EPHA5: variants seen among roughly 807,000 people sequenced by gnomAD.
EPHA5 encodes the protein ephrin type-A receptor 5.
Under a neutral mutation model 105.0 loss-of-function variants are expected in EPHA5, and 60 were observed. The observed-to-expected ratio is 0.57, with a 90% confidence interval of 0.46 to 0.71. The LOEUF is 0.71. Ranked by LOEUF, EPHA5 falls within the 30% of genes least tolerant of loss-of-function variation. The pLI, the probability that EPHA5 is intolerant of heterozygous loss-of-function variation, is 0.00. For missense variants in EPHA5, 1,218 were observed against 1,274.7 expected, an observed-to-expected ratio of 0.96 and a Z score of 0.68; for synonymous variants, 513 against 449.1, an observed-to-expected ratio of 1.14 and a Z score of -1.80.
chr4:65,452,796 A>C (rs1381740321), intron 5 of EPHA5, among the ~76,000 whole-genome samples: 2 of 152,224 alleles, frequency 1.3e-5, no homozygotes, highest in South Asian at 2.1e-4. Flanking sequence ...AGCTAAAAAC[A>C]GTTTCTGCAC....
chr4:65,582,696 C>T (rs1237906904), intron 3 of EPHA5, among the ~76,000 whole-genome samples: 1 of 151,580 alleles, frequency 6.6e-6, no homozygotes, highest in African/African-American at 2.4e-5. Context: ...TTGCAACTTA[C>T]TTGCAGCTGT....
At chr4:65,581,622 A>T (rs1326219743) in intron 3 of EPHA5, among the ~76,000 whole-genome samples, 2 of 151,786 alleles carry the variant, frequency 1.3e-5, no homozygotes, top group Admixed American at 6.6e-5. Flanking sequence ...GAATCTTAAA[A>T]TATACCAGCC....
intron 14 of EPHA5, among the ~76,000 whole-genome samples, chr4:65,347,389 T>C (rs564237210): frequency 2.0e-5 from 3 of 152,248 alleles, no homozygotes; most frequent in African/African-American, 7.2e-5. Flanking sequence ...AAGGGCTGTA[T>C]TGAATAGTAA....
chr4:65,465,013 C>T (rs1170314264), intron 5 of EPHA5, among the ~76,000 whole-genome samples: 1 of 151,958 alleles, frequency 6.6e-6, no homozygotes, highest in Non-Finnish European at 1.5e-5. Flanking sequence ...AACATTACAA[C>T]AAAGTTATGT....
chr4:65,346,140 TAC>T (rs1722207826), intron 14 of EPHA5, among the ~76,000 whole-genome samples: 1 of 151,758 alleles, frequency 6.6e-6, no homozygotes, highest in Non-Finnish European at 1.5e-5. Flanking sequence ...CATTTTTTCA[TAC>T]ATTTATTGGC....
chr4:65,486,678 G>T (rs1730911465), intron 5 of EPHA5, among the ~76,000 whole-genome samples: 2 of 152,152 alleles, frequency 1.3e-5, no homozygotes, highest in Non-Finnish European at 2.9e-5. Flanking sequence ...AAGATATTTA[G>T]GCATTAAAAA....
At chr4:65,572,133 C>T (rs1366420628) in intron 3 of EPHA5, among the ~76,000 whole-genome samples, 1 of 151,802 alleles carries the variant, frequency 6.6e-6, no homozygotes, top group Non-Finnish European at 1.5e-5. Flanking sequence ...TCAGAAATAA[C>T]GTGGCATAAT....
chr4:65,622,093 C>T (rs1412964762), intron 2 of EPHA5, among the ~76,000 whole-genome samples: 1 of 152,100 alleles, frequency 6.6e-6, no homozygotes, highest in East Asian at 1.9e-4. Context: ...GCCCAACTTG[C>T]TCTGGGAATA....
intron 3 of EPHA5, among the ~76,000 whole-genome samples, chr4:65,567,552 A>G (rs1315490250): frequency 6.6e-6 from 1 of 151,654 alleles, no homozygotes; most frequent in African/African-American, 2.4e-5. Flanking sequence ...GGTGATAGCC[A>G]AACTGTCAGT....
intron 5 of EPHA5, among the ~76,000 whole-genome samples, chr4:65,469,991 A>C (rs957134742): frequency 6.6e-6 from 1 of 152,052 alleles, no homozygotes; most frequent in Non-Finnish European, 1.5e-5. Flanking sequence ...AAGAAAAGAA[A>C]ATCAAAGGAG....
chr4:65,332,451 C>T (rs1419591607), intron 15 of EPHA5, among the ~76,000 whole-genome samples: 3 of 151,678 alleles, frequency 2.0e-5, no homozygotes, highest in African/African-American at 7.3e-5. Flanking sequence ...GACAATAAAA[C>T]CACTCTGTAT....
intron 3 of EPHA5, among the ~76,000 whole-genome samples, chr4:65,503,366 G>A (rs1732684214): frequency 6.6e-6 from 1 of 151,610 alleles, no homozygotes; most frequent in South Asian, 2.1e-4. Context: ...TTTAAACTAC[G>A]AGCTCTAAAA....
intron 2 of EPHA5, among the ~76,000 whole-genome samples, chr4:65,640,216 T>A (rs2149508898): frequency 6.6e-6 from 1 of 152,016 alleles, no homozygotes; most frequent in East Asian, 1.9e-4. Flanking sequence ...TTCTCTGAAA[T>A]AATTCTGTAA....
intron 8 of EPHA5, among the ~76,000 whole-genome samples, chr4:65,373,942 A>T (rs1297799096): frequency 1.3e-5 from 2 of 152,060 alleles, no homozygotes; most frequent in East Asian, 3.9e-4. Flanking sequence ...ACTAAGGGAT[A>T]TTTTAGATGG....
chr4:65,456,844 T>G (rs983384303), intron 5 of EPHA5, among the ~76,000 whole-genome samples: 5 of 152,186 alleles, frequency 3.3e-5, no homozygotes, highest in African/African-American at 1.2e-4. Flanking sequence ...TCCATGGAAG[T>G]AAGTTGATAT....
chr4:65,432,859 T>C (rs1394489662), intron 5 of EPHA5, among the ~76,000 whole-genome samples: 1 of 151,362 alleles, frequency 6.6e-6, no homozygotes, highest in Non-Finnish European at 1.5e-5. Context: ...AAAGTATATA[T>C]TATATATAAA....
At chr4:65,520,203 G>A (rs943040749) in intron 3 of EPHA5, among the ~76,000 whole-genome samples, 3 of 152,044 alleles carry the variant, frequency 2.0e-5, no homozygotes, top group African/African-American at 7.3e-5. Flanking sequence ...GAACAAAACA[G>A]AGCCCTCAGA....
At chr4:65,436,425 AATTCTGTCCGTCAT>A (rs1270337182) in intron 5 of EPHA5, among the ~76,000 whole-genome samples, 4 of 151,992 alleles carry the variant, frequency 2.6e-5, no homozygotes, top group Non-Finnish European at 5.9e-5. Context: ...GTTAAATAAA[AATTCTGTCCGTCAT>A]ATTTTAAACT....
chr4:65,530,151 T>C (rs1735629764), intron 3 of EPHA5, among the ~76,000 whole-genome samples: 2 of 152,128 alleles, frequency 1.3e-5, no homozygotes, highest in African/African-American at 2.4e-5. Context: ...CAAACTATTT[T>C]GGGGAGGAAA....
Sources: allele counts gnomAD v4.1 joint callset (sites outside exome capture counted in the v4.1 genomes callset), GRCh38; gene constraint gnomAD v4.1.1; transcripts MANE v1.5; gene names NCBI Gene and HGNC (gene_info 2026-07-23, HGNC 2026-07-21).